Variants in VAV2 observed in about 807,000 individuals in gnomAD.
VAV2 encodes guanine nucleotide exchange factor VAV2.
In VAV2, 67 loss-of-function variants were observed where a neutral mutation model predicts 132.5. That is an observed-to-expected ratio of 0.51 (90% CI 0.42 to 0.62). The LOEUF (loss-of-function observed/expected upper bound fraction) is 0.62, where lower values mean the gene tolerates loss of function less well. Ranked by LOEUF, VAV2 falls within the 20% of genes least tolerant of loss-of-function variation. VAV2 has a pLI of 0.00. For missense variants in VAV2, 938 were observed against 1,153.6 expected (o/e 0.81, Z 2.71); for synonymous variants, 492 against 443.5 (o/e 1.11, Z -1.37).
At chr9:133,787,098 C>A in intron 16 of VAV2, 148 bp downstream of exon 16, 1 of 869,708 alleles carries the variant, frequency 1.1e-6, no homozygotes, top group Non-Finnish European at 1.6e-6. Context: ...ATCATTTCAT[C>A]ATCGGGAAAG....
chr9:133,916,475 C>G (rs1184624047), intron 2 of VAV2, among the ~76,000 whole-genome samples: 1 of 152,216 alleles, frequency 6.6e-6, no homozygotes, highest in Non-Finnish European at 1.5e-5. Flanking sequence ...ATCCCAGAGC[C>G]TGGCTCTCTG....
At chr9:133,854,255 GCA>G (rs3054960) in intron 3 of VAV2, among the ~76,000 whole-genome samples, 7 of 145,918 alleles carry the variant, frequency 4.8e-5, no homozygotes, top group South Asian at 4.3e-4. Flanking sequence ...GCACTCATCT[GCA>G]CACACACACG....
intron 2 of VAV2, among the ~76,000 whole-genome samples, chr9:133,898,030 G>A (rs1373147014): frequency 6.6e-6 from 1 of 152,108 alleles, no homozygotes; most frequent in African/African-American, 2.4e-5. Context: ...TGCCCAGACA[G>A]ACCACGCAAA....
intron 1 of VAV2, among the ~76,000 whole-genome samples, chr9:133,971,107 GC>G (rs374340017): frequency 1.5e-4 from 23 of 152,334 alleles, no homozygotes; most frequent in African/African-American, 5.3e-4. Context: ...GGACCGGGAA[GC>G]CCCGGGTTCC....
At chr9:133,852,718 C>G (rs1245041866) in intron 3 of VAV2, among the ~76,000 whole-genome samples, 2 of 152,214 alleles carry the variant, frequency 1.3e-5, no homozygotes, top group Non-Finnish European at 2.9e-5. Context: ...ACCAGCCACG[C>G]AGTAAACAGC....
At chr9:133,864,220 G>A (rs192858806) in intron 2 of VAV2, among the ~76,000 whole-genome samples, 17 of 144,098 alleles carry the variant, frequency 1.2e-4, no homozygotes, top group African/African-American at 4.1e-4. Context: ...AGACAGCCGC[G>A]GGGCAGGAGG....
rs1490158765 is a variant in VAV2 at position 133,824,553 on chromosome 9, T to C, written c.449+9719A>G. On this transcript the variant is annotated intron_variant, in intron 4 of 29. Coordinates refer to ENST00000371850, the MANE Select transcript of VAV2 (RefSeq NM_001134398.2). This position sits in a 1 kb window ranked among gnomAD's most constrained non-coding sequence, Gnocchi z 5.2. Reference sequence around the variant, plus strand: ...GGCAAATCCTACGCACTCTTCAAAATGAACACCTCCTCCAGGAAGGCTTCC... The same window carrying C: ...GGCAAATCCTACGCACTCTTCAAAACGAACACCTCCTCCAGGAAGGCTTCC... Among the ~76,000 whole-genome samples the C allele has an allele frequency of 1.3e-5, 2 of 152,148 alleles. No homozygotes were observed. The highest frequency in any genetic ancestry group is 2.9e-5 in the Non-Finnish European group (2 of 68,014).
chr9:133,795,177 A>C (rs1298029056), intron 12 of VAV2, among the ~76,000 whole-genome samples: 1 of 152,194 alleles, frequency 6.6e-6, no homozygotes, highest in African/African-American at 2.4e-5. Flanking sequence ...GTTTCTGAGC[A>C]AGGGAGTGGC....
chr9:133,827,269 C>T (rs13295503), intron 4 of VAV2, among the ~76,000 whole-genome samples: 3,621 of 15,684 alleles, frequency 0.23, 713 homozygotes, highest in Middle Eastern at 0.45. Flanking sequence ...CACCACCTAC[C>T]GCTGCGCCCA....
intron 2 of VAV2, among the ~76,000 whole-genome samples, chr9:133,872,690 CAGG>C (rs1332695166): frequency 7.0e-6 from 1 of 142,464 alleles, no homozygotes; most frequent in African/African-American, 2.9e-5. Flanking sequence ...TCCTGGAGCA[CAGG>C]AGGAGGCGTA....
Position 133,796,543 on chromosome 9 carries a change from G to A in VAV2, c.937-19C>T, listed in dbSNP as rs749202498. ...TGCACTCCTGGGAGGGCGACAGGGC[G>A]ATGGGAGAGCCCTCCCCGAGGAAAG... On this transcript the variant is annotated intron_variant, in intron 10 of 29. Coordinates refer to ENST00000371850, the MANE Select transcript of VAV2 (RefSeq NM_001134398.2). The A allele has an allele frequency of 2.4e-5, 39 of 1,607,102 alleles. No homozygotes were observed. Among genetic ancestry groups the A allele is most frequent in the Admixed American group, 5.0e-5 (3 of 59,640 alleles).
intron 1 of VAV2, among the ~76,000 whole-genome samples, chr9:133,959,727 C>T (rs1841903974): frequency 6.6e-6 from 1 of 150,776 alleles, no homozygotes; most frequent in African/African-American, 2.5e-5. Context: ...TAGGGTGGGC[C>T]CCGAATCCAA....
intron 3 of VAV2, among the ~76,000 whole-genome samples, chr9:133,852,828 C>T (rs945379503): frequency 3.3e-5 from 5 of 152,160 alleles, no homozygotes; most frequent in African/African-American, 7.2e-5. Context: ...CCCTGCCACT[C>T]GGCTAGGGGT....
intron 2 of VAV2, among the ~76,000 whole-genome samples, chr9:133,886,042 G>C (rs964358009): frequency 6.6e-6 from 1 of 152,206 alleles, no homozygotes; most frequent in Non-Finnish European, 1.5e-5. Flanking sequence ...CTGACAGCTG[G>C]GGGGCGGGAA....
chr9:133,867,340 G>A (rs1205788178), intron 2 of VAV2, among the ~76,000 whole-genome samples: 1 of 152,238 alleles, frequency 6.6e-6, no homozygotes, highest in African/African-American at 2.4e-5. Context: ...TGGAGAGATG[G>A]AAGCCAAAAA....
chr9:133,943,310 G>A (rs1841239910), intron 1 of VAV2, among the ~76,000 whole-genome samples: 2 of 152,206 alleles, frequency 1.3e-5, no homozygotes, highest in African/African-American at 4.8e-5. Flanking sequence ...TGCTGCAGGT[G>A]CATCATGGCC....
intron 4 of VAV2, among the ~76,000 whole-genome samples, chr9:133,814,620 G>A (rs571653769): frequency 3.3e-5 from 5 of 152,358 alleles, no homozygotes; most frequent in East Asian, 1.9e-4. Context: ...GATCAAAAAC[G>A]GCTGCAAGCC....
rs1833323402 is a variant in VAV2 at position 133,763,312 on chromosome 9, CAG to C, written c.*748_*749del. The stretch of plus-strand genomic sequence containing the variant: ...TCCCAGGACTCCAGAAAGGGCCTCT[CAG>C]AGAGAGGGCAGGAAACGGTACCGCT... On this transcript the variant is annotated 3_prime_UTR_variant, in exon 30 of 30. Coordinates refer to ENST00000371850, the MANE Select transcript of VAV2 (RefSeq NM_001134398.2). This position sits in a 1 kb window ranked among gnomAD's most constrained non-coding sequence, Gnocchi z 6.8. 6.6e-6 allele frequency: 1 copy of C among 152,204 alleles called. No individual in the cohort carries two copies. Among genetic ancestry groups the C allele is most frequent in the African/African-American group, 2.4e-5 (1 of 41,426 alleles). 9.4% of individuals were successfully genotyped at this position (152,204 alleles called of 1,614,324 possible). A position where few individuals can be genotyped will look rare whatever the true frequency, so the allele number is the denominator to read the frequency against.
rs578238128 is a variant in VAV2 at position 133,919,192 on chromosome 9, C to T, written c.321+19911G>A. On this transcript the variant is annotated intron_variant, in intron 2 of 29. Coordinates refer to ENST00000371850, the MANE Select transcript of VAV2 (RefSeq NM_001134398.2). The surrounding 1 kb of genome is among the most constrained non-coding windows in gnomAD (Gnocchi z 5.8). ...AGCCTCTCCACGCACCCCCTCACTG[C>T]TGTGCCCTGGCACCTCTGACACTCC... Among the ~76,000 whole-genome samples, 1 of 152,346 alleles carries T rather than the reference C, an allele frequency of 6.6e-6. No individual in the cohort carries two copies. Among genetic ancestry groups the T allele is most frequent in the East Asian group, 1.9e-4 (1 of 5,176 alleles).
Sources: gnomAD v4.1 joint callset for allele counts (sites outside exome capture counted in the v4.1 genomes callset) on GRCh38, gnomAD v4.1.1 for gene constraint, Gnocchi (gnomAD v3.1) non-coding constraint, MANE v1.5 for transcripts, NCBI Gene and HGNC (gene_info 2026-07-23, HGNC 2026-07-21) for gene names.